GRK5: variants seen among roughly 807,000 people sequenced by gnomAD.
GRK5 encodes the protein g protein-coupled receptor kinase GRK5.
GRK5 carries 40 observed loss-of-function variants against 78.4 expected under a neutral mutation model. That is an observed-to-expected ratio of 0.51 (90% confidence interval 0.40 to 0.66). The LOEUF is 0.66. Among genes scored for constraint, GRK5 ranks in the 30% least tolerant of loss-of-function variants. The pLI is 0.00. For missense variants in GRK5, 598 were observed against 759.9 expected, an observed-to-expected ratio of 0.79 and a Z score of 2.50; for synonymous variants, 289 against 296.8, an observed-to-expected ratio of 0.97 and a Z score of 0.27.
At chr10:119,216,451 C>T (rs1283090828) in intron 1 of GRK5, among the ~76,000 whole-genome samples, 2 of 152,198 alleles carry the variant, frequency 1.3e-5, no homozygotes, top group Non-Finnish European at 2.9e-5. Context: ...ATCTGCTGCC[C>T]TGTCCTCTGT....
In GRK5 at chr10:119,328,715, C is replaced by T. The variant is rs558302258; in HGVS notation, c.148+2104C>T. Among the ~76,000 whole-genome samples the T allele has an allele frequency of 1.0e-3, 159 of 152,238 alleles. 2 individuals are homozygous for T. Among genetic ancestry groups the T allele is most frequent in the Non-Finnish European group, 2.0e-3 (138 of 68,046 alleles). On this transcript the variant is annotated intron_variant, in intron 2 of 15. Coordinates refer to ENST00000392870, the MANE Select transcript of GRK5 (RefSeq NM_005308.3). ...TTGAGTTGGAGGTGAGAGCTTACAA[C>T]AGGAGGAAAGCATCTCCAAGGGGAG...
At chr10:119,405,804 GGTTTTGGC>G (rs1852229767) in intron 4 of GRK5, among the ~76,000 whole-genome samples, 2 of 152,152 alleles carry the variant, frequency 1.3e-5, no homozygotes, top group Non-Finnish European at 2.9e-5. Flanking sequence ...GCACTTGCGT[GGTTTTGGC>G]CATGTTTGCA....
intron 1 of GRK5, among the ~76,000 whole-genome samples, chr10:119,259,010 C>G (rs1270430476): frequency 1.3e-5 from 2 of 152,074 alleles, no homozygotes. Context: ...GGCACTCTTC[C>G]CAGGTGATAG....
intron 1 of GRK5, among the ~76,000 whole-genome samples, chr10:119,299,494 G>A (rs1309662943): frequency 1.3e-5 from 2 of 151,638 alleles, no homozygotes; most frequent in Non-Finnish European, 2.9e-5. Context: ...GGTTTCCTTT[G>A]TGGAGCCTTA....
intron 1 of GRK5, among the ~76,000 whole-genome samples, chr10:119,216,800 A>G (rs983927423): frequency 6.6e-6 from 1 of 151,910 alleles, no homozygotes; most frequent in East Asian, 1.9e-4. Flanking sequence ...TAAAAATACA[A>G]AATTACCTGG....
rs1170292288 is a variant in GRK5, at chr10:119,379,455, G to A, written c.149-1360G>A. The stretch of plus-strand genomic sequence containing the variant: ...GCATTTTGAGACTAAGAATCAAAGT[G>A]TGCCAGCGCAGTGGTTGTGTTCATA... On this transcript the variant is annotated intron_variant, in intron 2 of 15. Coordinates refer to ENST00000392870, the MANE Select transcript of GRK5 (RefSeq NM_005308.3). The surrounding 1 kb of genome is among the most constrained non-coding windows in gnomAD (Gnocchi z 4.1). Among the ~76,000 whole-genome samples the A allele has an allele frequency of 6.6e-6, 1 of 152,198 alleles. No individual in the cohort carries two copies. Among genetic ancestry groups the A allele is most frequent in the African/African-American group, 2.4e-5 (1 of 41,436 alleles).
intron 4 of GRK5, among the ~76,000 whole-genome samples, chr10:119,413,689 A>G (rs1349107322): frequency 1.3e-5 from 2 of 151,930 alleles, no homozygotes; most frequent in African/African-American, 4.8e-5. Flanking sequence ...CTCTGTTTCC[A>G]CATCTGTGAC....
intron 1 of GRK5, among the ~76,000 whole-genome samples, chr10:119,230,204 G>A (rs1426527804): frequency 6.6e-6 from 1 of 152,116 alleles, no homozygotes; most frequent in Admixed American, 6.5e-5. Flanking sequence ...AAAAATAGCC[G>A]GCCAGGTACG....
At chr10:119,308,484 C>G (rs1324844303) in intron 1 of GRK5, among the ~76,000 whole-genome samples, 1 of 152,166 alleles carries the variant, frequency 6.6e-6, no homozygotes, top group Non-Finnish European at 1.5e-5. Context: ...TCTCTGGGTC[C>G]CCTGACTCCT....
intron 1 of GRK5, among the ~76,000 whole-genome samples, chr10:119,320,915 C>T (rs1052075316): frequency 3.9e-5 from 6 of 152,226 alleles, no homozygotes; most frequent in African/African-American, 1.4e-4. Context: ...GCAGCGGGGG[C>T]CGTAGGGCCA....
At chr10:119,259,957 C>A (rs1438645766) in intron 1 of GRK5, among the ~76,000 whole-genome samples, 1 of 152,042 alleles carries the variant, frequency 6.6e-6, no homozygotes, top group African/African-American at 2.4e-5. Flanking sequence ...TGTTCTTGGC[C>A]TCTTCTCTCC....
At position 119,380,911 on chromosome 10, in the gene GRK5, A is replaced by T. The variant is rs770742028; in HGVS notation, c.245A>T (p.Gln82Leu). 1 of 1,610,190 alleles carries T rather than the reference A, an allele frequency of 6.2e-7. No homozygotes were observed. Among genetic ancestry groups the T allele is most frequent in the Non-Finnish European group, 8.5e-7 (1 of 1,176,516 alleles). The change falls in exon 3 of 16, where the codon CAG becomes CTG. Residue 82 changes from glutamine (Q) to leucine (L), a missense_variant. Gln to Leu is a moderately radical substitution (Grantham distance 113). Transcript: ENST00000392870. ...ETRPGLECYI[Q>L]FLDSVAEYEV... Reference sequence around the variant, plus strand: ...AGGCCTGGGCTGGAGTGTTACATTCAGTTCCTGGACTCCGTGGTAAGTTCC... The same window carrying T: ...AGGCCTGGGCTGGAGTGTTACATTCTGTTCCTGGACTCCGTGGTAAGTTCC...
chr10:119,414,192 G>C (rs1852400928), intron 4 of GRK5, among the ~76,000 whole-genome samples: 1 of 152,200 alleles, frequency 6.6e-6, no homozygotes, highest in Non-Finnish European at 1.5e-5. Context: ...TTTACATGGG[G>C]AATGTCAGCT....
chr10:119,276,642 T>C (rs564888198), intron 1 of GRK5, among the ~76,000 whole-genome samples: 1 of 152,342 alleles, frequency 6.6e-6, no homozygotes, highest in South Asian at 2.1e-4. Context: ...GGTCAAATGG[T>C]ATTTCTAGTT....
At chr10:119,252,136 A>G (rs183925801) in intron 1 of GRK5, among the ~76,000 whole-genome samples, 2 of 152,306 alleles carry the variant, frequency 1.3e-5, no homozygotes, top group East Asian at 3.9e-4. Flanking sequence ...TCGTGCCGAT[A>G]GGGGCAGCTG....
chr10:119,382,877 A>G (rs1051488613), intron 3 of GRK5, among the ~76,000 whole-genome samples: 9 of 151,780 alleles, frequency 5.9e-5, no homozygotes, highest in South Asian at 2.1e-4. Context: ...TGAATTTTGT[A>G]TTCTTATCCC....
At chr10:119,343,153 G>T (rs1851012721) in intron 2 of GRK5, among the ~76,000 whole-genome samples, 1 of 152,222 alleles carries the variant, frequency 6.6e-6, no homozygotes, top group South Asian at 2.1e-4. Context: ...CTGTGCAAGT[G>T]TGCAAGGCGG....
At chr10:119,403,100 C>A (rs1852177375) in intron 4 of GRK5, among the ~76,000 whole-genome samples, 1 of 152,232 alleles carries the variant, frequency 6.6e-6, no homozygotes, top group African/African-American at 2.4e-5. Flanking sequence ...AATCTACTTT[C>A]TGTCTCCAGG....
chr10:119,386,736 A>G (rs544071028), intron 3 of GRK5, among the ~76,000 whole-genome samples: 1 of 152,274 alleles, frequency 6.6e-6, no homozygotes, highest in South Asian at 2.1e-4. Context: ...TCTTTTACGC[A>G]CGGAGACTTT....
Sources: gnomAD v4.1 joint callset for allele counts (sites outside exome capture counted in the v4.1 genomes callset) on GRCh38, gnomAD v4.1.1 for gene constraint, Gnocchi (gnomAD v3.1) non-coding constraint, MANE v1.5 for transcripts, NCBI Gene and HGNC (gene_info 2026-07-23, HGNC 2026-07-21) for gene names.